Variants in BLTP3A observed in about 807,000 individuals in gnomAD.
The protein encoded by BLTP3A is bridge-like lipid transfer protein family member 3A, also known as ICBP90 binding protein 1.
chr6:34,857,818 A>G, the BLTP3A span: 3 of 1,614,180 alleles, frequency 1.9e-6, no homozygotes, highest in Admixed American at 3.3e-5. Flanking sequence ...GCCTGGATTT[A>G]TACCGCAGCT....
At chr6:34,798,589 T>C in the BLTP3A span, among the ~76,000 whole-genome samples, 1 of 137,422 alleles carries the variant, frequency 7.3e-6, no homozygotes, top group East Asian at 2.0e-4. Context: ...TAATTTTCTT[T>C]CTTTCTTTTT....
chr6:34,859,199 C>T, the BLTP3A span: 13 of 1,614,112 alleles, frequency 8.1e-6, no homozygotes, highest in South Asian at 2.2e-5. Flanking sequence ...CAGGAGAGGC[C>T]ACATAGCAAT....
the BLTP3A span, among the ~76,000 whole-genome samples, chr6:34,825,507 A>G: frequency 6.6e-6 from 1 of 152,072 alleles, no homozygotes. Flanking sequence ...GGGTTTCACC[A>G]TGTTAGTCAG....
the BLTP3A span, among the ~76,000 whole-genome samples, chr6:34,832,001 G>C: frequency 1.3e-5 from 2 of 151,982 alleles, no homozygotes; most frequent in Middle Eastern, 3.2e-3. Context: ...TTTTAGTAGA[G>C]ATGGGGTTTC....
the BLTP3A span, among the ~76,000 whole-genome samples, chr6:34,795,493 G>A: frequency 6.6e-6 from 1 of 151,638 alleles, no homozygotes; most frequent in Non-Finnish European, 1.5e-5. Flanking sequence ...TGCCTCCTGG[G>A]TTCAAGCGAT....
chr6:34,859,589 T>C, the BLTP3A span: 1 of 1,611,510 alleles, frequency 6.2e-7, no homozygotes, highest in Non-Finnish European at 8.5e-7. Context: ...GCTCTGTACC[T>C]CCTTCACTCA....
At chr6:34,840,106 A>G in the BLTP3A span, among the ~76,000 whole-genome samples, 1 of 152,248 alleles carries the variant, frequency 6.6e-6, no homozygotes, top group South Asian at 2.1e-4. Flanking sequence ...TTGCTGAGTC[A>G]TGCAGGCCTG....
the BLTP3A span, among the ~76,000 whole-genome samples, chr6:34,815,530 G>A: frequency 6.6e-6 from 1 of 152,020 alleles, no homozygotes; most frequent in African/African-American, 2.4e-5. Flanking sequence ...GATTATAGGG[G>A]TGAGCCACCG....
the BLTP3A span, among the ~76,000 whole-genome samples, chr6:34,871,367 C>G: frequency 6.6e-6 from 1 of 152,168 alleles, no homozygotes; most frequent in Non-Finnish European, 1.5e-5. Context: ...CTAACCCTGT[C>G]TTTGGCATGC....
At chr6:34,808,404 A>G in the BLTP3A span, among the ~76,000 whole-genome samples, 6 of 150,766 alleles carry the variant, frequency 4.0e-5, no homozygotes, top group Non-Finnish European at 8.8e-5. Context: ...AGCAGGGCAA[A>G]CAGAGAATTA....
At chr6:34,839,269 CGGGAATAAT>C in the BLTP3A span, among the ~76,000 whole-genome samples, 1 of 152,094 alleles carries the variant, frequency 6.6e-6, no homozygotes, top group Admixed American at 6.6e-5. Flanking sequence ...TTTTAAAATA[CGGGAATAAT>C]TCTCAGCCTA....
chr6:34,840,186 A>G, the BLTP3A span, among the ~76,000 whole-genome samples: 4 of 152,346 alleles, frequency 2.6e-5, no homozygotes, highest in South Asian at 8.3e-4. Flanking sequence ...CCAAAAAAAG[A>G]GTGTAAACCA....
the BLTP3A span, among the ~76,000 whole-genome samples, chr6:34,849,187 C>T: frequency 2.0e-5 from 3 of 151,814 alleles, no homozygotes; most frequent in Non-Finnish European, 2.9e-5. Context: ...TCAGTAGAGA[C>T]GGGGTTTCGC....
the BLTP3A span, among the ~76,000 whole-genome samples, chr6:34,832,006 G>A: frequency 6.6e-6 from 1 of 151,824 alleles, no homozygotes; most frequent in African/African-American, 2.4e-5. Context: ...GTAGAGATGG[G>A]GTTTCACCAT....
the BLTP3A span, chr6:34,822,105 G>A: frequency 2.1e-6 from 2 of 958,628 alleles, no homozygotes; most frequent in East Asian, 2.5e-5. Flanking sequence ...CAGTGTGACT[G>A]TTGTCTGGGC....
the BLTP3A span, among the ~76,000 whole-genome samples, chr6:34,868,375 C>T: frequency 6.6e-6 from 1 of 151,316 alleles, no homozygotes; most frequent in East Asian, 2.0e-4. Context: ...TCCCAGCACG[C>T]TGGGAAGCTG....
At chr6:34,817,383 T>G in the BLTP3A span, among the ~76,000 whole-genome samples, 1 of 152,232 alleles carries the variant, frequency 6.6e-6, no homozygotes, top group Non-Finnish European at 1.5e-5. Flanking sequence ...TAGATTAAAT[T>G]TTTTAAAGTG....
chr6:34,852,043 C>T, the BLTP3A span, among the ~76,000 whole-genome samples: 2 of 151,406 alleles, frequency 1.3e-5, no homozygotes, highest in Non-Finnish European at 2.9e-5. Context: ...TGGCCCAGGG[C>T]AGGTCCAGAG....
the BLTP3A span, among the ~76,000 whole-genome samples, chr6:34,831,126 TA>T: frequency 7.1e-6 from 1 of 140,886 alleles, no homozygotes; most frequent in African/African-American, 2.9e-5. Context: ...TGATCACTCT[TA>T]ATTTTTTTTT....
Sources: gnomAD v4.1 joint callset for allele counts (sites outside exome capture counted in the v4.1 genomes callset) on GRCh38, gnomAD v4.1.1 for gene constraint, MANE v1.5 for transcripts, NCBI Gene and HGNC (gene_info 2026-07-23, HGNC 2026-07-21) for gene names.